The following ABCA1 variants were observed in gnomAD, a reference collection of about 807,000 sequenced individuals.
ABCA1 encodes the protein phospholipid-transporting ATPase ABCA1.
In ABCA1, 133 loss-of-function variants were observed where a neutral mutation model predicts 262.5. The observed-to-expected ratio is 0.51, with a 90% CI of 0.44 to 0.59. The LOEUF (loss-of-function observed/expected upper bound fraction) is 0.59. ABCA1 is among the 20% of genes least tolerant of loss of function. The pLI is 0.00. For missense variants in ABCA1, 2,452 were observed against 2,777.5 expected (o/e 0.88, Z 2.63); for synonymous variants, 1,022 against 1,043.5 (o/e 0.98, Z 0.40).
chr9:104,856,095 T>C (rs1328585969), intron 7 of ABCA1: 7 of 1,581,270 alleles, frequency 4.4e-6, no homozygotes, highest in Non-Finnish European at 5.2e-6. Flanking sequence ...CCATCTACCA[T>C]CACAAATGTT....
chr9:104,926,938 G>A (rs1429230008), intron 1 of ABCA1, among the ~76,000 whole-genome samples: 1 of 151,814 alleles, frequency 6.6e-6, no homozygotes, highest in East Asian at 1.9e-4. Flanking sequence ...TCGGCCGCGC[G>A]CGGTGGCTCA....
intron 32 of ABCA1, 85 bp downstream of exon 32, chr9:104,804,541 C>A: frequency 6.5e-6 from 7 of 1,083,904 alleles, no homozygotes; most frequent in Non-Finnish European, 1.0e-5. Flanking sequence ...GGCATTTCCC[C>A]CACTGTTTCA....
rs993174687 is a variant in ABCA1, at chr9:104,783,663, C to G, written c.*652G>C. 1 of 152,750 alleles carries G rather than the reference C, an allele frequency of 6.5e-6. No individual in the cohort carries two copies. The highest frequency in any genetic ancestry group is 1.5e-5 in the Non-Finnish European group (1 of 68,464). The allele number at this position is 152,750 out of a possible 1,614,324, so 9.5% of individuals were successfully genotyped here. Reference sequence around the variant, plus strand: ...TTGTTGCATGTTACTGCCACCAGAACAGCTTATCAGAGGGAATCAAAGCAG... The same window carrying G: ...TTGTTGCATGTTACTGCCACCAGAAGAGCTTATCAGAGGGAATCAAAGCAG... On this transcript the variant is annotated 3_prime_UTR_variant, in exon 50 of 50. Transcript: ENST00000374736.
chr9:104,826,039 G>A, intron 16 of ABCA1, 152 bp from the exon 17 acceptor site: 1 of 743,286 alleles, frequency 1.3e-6, no homozygotes, highest in Non-Finnish European at 2.3e-6. Context: ...AGTCCCTTTA[G>A]GGGAGTGGTG....
chr9:104,913,707 T>C (rs572710906), intron 1 of ABCA1, among the ~76,000 whole-genome samples: 3 of 151,390 alleles, frequency 2.0e-5, no homozygotes, highest in South Asian at 2.1e-4. Flanking sequence ...CACTCACTTA[T>C]ACTATTTTCT....
At chr9:104,890,640 C>G (rs1428121627) in intron 2 of ABCA1, among the ~76,000 whole-genome samples, 2 of 151,318 alleles carry the variant, frequency 1.3e-5, no homozygotes, top group African/African-American at 4.9e-5. Flanking sequence ...CTTGCTCCAT[C>G]GTCCAGGCGG....
intron 11 of ABCA1, among the ~76,000 whole-genome samples, chr9:104,834,637 G>C (rs1055350265): frequency 1.3e-5 from 2 of 148,864 alleles, no homozygotes; most frequent in African/African-American, 4.9e-5. Flanking sequence ...TGGCCTCTCT[G>C]GGGTGCTCGT....
rs1832868531 is a variant in ABCA1, at chr9:104,827,037, C to T, written c.2248G>A (p.Gly750Arg). Residue 750 changes from glycine to arginine, a missense_variant, in exon 16 of 50, where the codon GGG becomes AGG. Around this residue, in one of 4 missense-constraint regions of ABCA1, gnomAD observed 1,032 missense variants for 1,089.7 expected, o/e 0.95. Transcript: ENST00000374736. Reference protein sequence around the residue: ...FSRANLAAACGGIIYFTLYLP... With the variant: ...FSRANLAAACRGIIYFTLYLP... ...TACAGCGTGAAGTAGATGATGCCCC[C>T]ACAGGCTGCTGCCAGGTTGGCTCTG... The T allele has an allele frequency of 6.2e-7, 1 of 1,614,070 alleles. No individual in the cohort carries two copies. The highest frequency in any genetic ancestry group is 1.3e-5 in the African/African-American group (1 of 74,916).
chr9:104,891,624 C>A (rs927988024), intron 2 of ABCA1, among the ~76,000 whole-genome samples: 2 of 151,240 alleles, frequency 1.3e-5, no homozygotes, highest in Non-Finnish European at 2.9e-5. Context: ...TGAGACTGGG[C>A]AGAAGGAAAT....
intron 8 of ABCA1, among the ~76,000 whole-genome samples, chr9:104,844,437 A>T (rs1331523029): frequency 6.6e-6 from 1 of 152,130 alleles, no homozygotes; most frequent in African/African-American, 2.4e-5. Flanking sequence ...AAAGAAAGAA[A>T]GTAGAACAGG....
intron 49 of ABCA1, 90 bp from the exon 50 acceptor site, chr9:104,784,545 G>A: frequency 6.7e-7 from 1 of 1,490,230 alleles, no homozygotes; most frequent in Non-Finnish European, 9.3e-7. Flanking sequence ...TTGAAATTAG[G>A]TCAAGTAGGA....
intron 7 of ABCA1, chr9:104,855,601 G>T: frequency 1.5e-6 from 2 of 1,363,224 alleles, no homozygotes; most frequent in Non-Finnish European, 1.9e-6. Context: ...CACCTATTGT[G>T]TGCCAGGCCC....
intron 5 of ABCA1, among the ~76,000 whole-genome samples, chr9:104,869,126 C>A (rs1015904837): frequency 6.6e-6 from 1 of 152,050 alleles, no homozygotes; most frequent in African/African-American, 2.4e-5. Context: ...GGGTTACTCT[C>A]GGTCAGTGCC....
Position 104,784,107 on chromosome 9 carries a change from A to G in ABCA1, c.*208T>C. On this transcript the variant is annotated 3_prime_UTR_variant, in exon 50 of 50. Transcript: ENST00000374736. Reference sequence around the variant, plus strand: ...TTCAAGTCTTTCACTTGAGAGCCATACAAGACATAGGCTACAAAGGCACTG... The same window carrying G: ...TTCAAGTCTTTCACTTGAGAGCCATGCAAGACATAGGCTACAAAGGCACTG... The G allele has an allele frequency of 1.6e-6, 1 of 610,606 alleles. No individual in the cohort carries two copies. Among genetic ancestry groups the G allele is most frequent in the East Asian group, 2.9e-5 (1 of 34,386 alleles). 37.8% of individuals were successfully genotyped at this position (610,606 alleles called of 1,614,324 possible). A position where few individuals can be genotyped will look rare whatever the true frequency, so the allele number is the denominator to read the frequency against.
chr9:104,825,815 C>A lies in ABCA1; in HGVS notation c.2410G>T (p.Val804Leu). The change falls in exon 17 of 50, where the codon GTG becomes TTG. Residue 804 changes from valine (V) to leucine (L), a missense_variant. By Grantham distance (32) the Val-to-Leu change is conservative (BLOSUM62 1). Transcript: ENST00000374736. ...FALFEEQGIG[V>L]QWDNLFESPV... The stretch of plus-strand genomic sequence containing the variant: ...CTCTCAAACAGGTTGTCCCACTGCA[C>A]TCCAATGCCCTGCTCCTCAAAAAGG... 6.2e-7 allele frequency: 1 copy of A among 1,614,234 alleles called. No homozygotes were observed. Among genetic ancestry groups the A allele is most frequent in the Non-Finnish European group, 8.5e-7 (1 of 1,180,050 alleles).
intron 7 of ABCA1, among the ~76,000 whole-genome samples, chr9:104,850,271 G>A (rs190216422): frequency 1.2e-3 from 176 of 152,270 alleles, no homozygotes; most frequent in South Asian, 2.5e-3. Context: ...ACAAGTGCAC[G>A]CCACCATGCC....
At position 104,854,053 on chromosome 9, in the gene ABCA1, T is replaced by C. The variant is rs149407634; in HGVS notation, c.720+4469A>G. The stretch of plus-strand genomic sequence containing the variant: ...CTGAGCCCTTAAAAGTAAAGAACTT[T>C]CTCTGACTGGAGACAGATGTGACAG... On this transcript the variant is annotated intron_variant, in intron 7 of 49. Transcript: ENST00000374736. 2.8e-3 allele frequency among the ~76,000 whole-genome samples: 432 copies of C among 152,326 alleles called. 2 individuals are homozygous for C. Among genetic ancestry groups the C allele is most frequent in the African/African-American group, 9.8e-3 (408 of 41,576 alleles).
chr9:104,841,273 T>C (rs921581140), intron 8 of ABCA1, among the ~76,000 whole-genome samples: 1 of 151,684 alleles, frequency 6.6e-6, no homozygotes, highest in Admixed American at 6.6e-5. Context: ...CCATCTCTAC[T>C]AAAAAAATAC....
At chr9:104,859,116 T>C (rs1836113133) in intron 6 of ABCA1, among the ~76,000 whole-genome samples, 1 of 152,202 alleles carries the variant, frequency 6.6e-6, no homozygotes, top group Admixed American at 6.5e-5. Flanking sequence ...GGCTGAAATA[T>C]GGGGAGAAAG....
Sources: gnomAD v4.1 joint callset for allele counts (sites outside exome capture counted in the v4.1 genomes callset) on GRCh38, gnomAD v4.1.1 for gene constraint, gnomAD v4.1.1 regional missense constraint, MANE v1.5 for transcripts, NCBI Gene and HGNC (gene_info 2026-07-23, HGNC 2026-07-21) for gene names.